SATB1: variants seen among roughly 807,000 people sequenced by gnomAD.
SATB1 encodes SATB homeobox 1, also known as DNA-binding protein SATB1.
A neutral mutation model predicts 86.9 loss-of-function variants in SATB1; 11 were observed. The ratio of observed to expected loss-of-function variants is 0.13; its 90% CI spans 0.08 to 0.21. The LOEUF is 0.21. SATB1 is among the 10% of genes least tolerant of loss of function. The pLI, the probability that SATB1 is intolerant of heterozygous loss-of-function variation, is 1.00. For synonymous variants in SATB1, 357 were observed against 357.2 expected (o/e 1.00, Z 0.01); for missense variants, 551 against 937.6 (o/e 0.59, Z 5.39).
At chr3:18,369,001 A>G (rs1695321639) in intron 9 of SATB1, among the ~76,000 whole-genome samples, 1 of 152,106 alleles carries the variant, frequency 6.6e-6, no homozygotes, top group African/African-American at 2.4e-5. Context: ...GTTATCTCCA[A>G]TTTCTATAAA....
Position 18,389,524 on chromosome 3 carries a change from G to A in SATB1, c.1207-2913C>T, listed in dbSNP as rs556924137. On this transcript the variant is annotated intron_variant, in intron 7 of 10. Coordinates refer to ENST00000338745, the MANE Select transcript of SATB1 (RefSeq NM_002971.6). ...GAATTCAAGATATATGTGGCCACCAGTTCCCATATCCTATAATTGAAGACA... is the reference window on the plus strand; with the variant it reads ...GAATTCAAGATATATGTGGCCACCAATTCCCATATCCTATAATTGAAGACA... Among the ~76,000 whole-genome samples the A allele has an allele frequency of 2.0e-5, 3 of 152,110 alleles. No homozygotes were observed. The South Asian group carries it at 6.2e-4, about 32-fold the overall frequency.
At chr3:18,356,643 TG>T (rs1458998608) in intron 9 of SATB1, among the ~76,000 whole-genome samples, 1 of 151,906 alleles carries the variant, frequency 6.6e-6, no homozygotes, top group Non-Finnish European at 1.5e-5. Flanking sequence ...ATAAAAATCC[TG>T]GCACCTTCAT....
intron 8 of SATB1, among the ~76,000 whole-genome samples, chr3:18,385,211 T>C (rs1696273731): frequency 6.6e-6 from 1 of 152,232 alleles, no homozygotes; most frequent in Admixed American, 6.5e-5. Context: ...CGAGATACAA[T>C]TTCACTATGA....
intron 2 of SATB1, among the ~76,000 whole-genome samples, chr3:18,430,844 G>C (rs1559465274): frequency 6.6e-6 from 1 of 152,184 alleles, no homozygotes; most frequent in South Asian, 2.1e-4. Context: ...GGTAATTCAT[G>C]ATACAGTTTT....
rs561937361 is a variant in SATB1, at chr3:18,373,636, T to G, written c.1575+4534A>C. On this transcript the variant is annotated intron_variant, in intron 9 of 10. Transcript: ENST00000338745. The stretch of plus-strand genomic sequence containing the variant: ...CAAACCTAAAGGTCAGAATGACGTT[T>G]TCTTTCACCTACAAACCTAAGGAAA... Among the ~76,000 whole-genome samples, 3 of 152,316 alleles carry G rather than the reference T, an allele frequency of 2.0e-5. No homozygotes were observed. In the South Asian group the frequency reaches 6.2e-4, roughly 32 times the overall value.
At chr3:18,354,400 C>A (rs1694529031) in intron 9 of SATB1, among the ~76,000 whole-genome samples, 1 of 152,090 alleles carries the variant, frequency 6.6e-6, no homozygotes, top group African/African-American at 2.4e-5. Context: ...ATTGACAGAA[C>A]CCCTCTACCC....
At chr3:18,422,969 A>G (rs1268140351) in intron 1 of SATB1, among the ~76,000 whole-genome samples, 1 of 152,236 alleles carries the variant, frequency 6.6e-6, no homozygotes, top group African/African-American at 2.4e-5. Context: ...ACCTATAAGC[A>G]TCTATTAAAC....
chr3:18,363,938 C>CAAG (rs2125153344), intron 9 of SATB1, among the ~76,000 whole-genome samples: 1 of 152,262 alleles, frequency 6.6e-6, no homozygotes, highest in African/African-American at 2.4e-5. Flanking sequence ...ATGCGAATAT[C>CAAG]AGAGAAAAGG....
At chr3:18,374,515 T>G (rs1261102820) in intron 9 of SATB1, among the ~76,000 whole-genome samples, 1 of 152,214 alleles carries the variant, frequency 6.6e-6, no homozygotes, top group Admixed American at 6.5e-5. Flanking sequence ...CTACTCACAT[T>G]ATGTTTAAAG....
intron 6 of SATB1, among the ~76,000 whole-genome samples, chr3:18,396,375 T>C (rs947520273): frequency 1.8e-4 from 28 of 152,152 alleles, no homozygotes; most frequent in African/African-American, 6.3e-4. Flanking sequence ...TTTTAAAATA[T>C]ATGTTTTGGA....
intron 10 of SATB1, chr3:18,351,340 A>C: frequency 1.3e-6 from 2 of 1,533,746 alleles, no homozygotes; most frequent in Non-Finnish European, 1.7e-6. Flanking sequence ...GCCATGGTGC[A>C]GGGGTCGGCA....
chr3:18,441,778 T>C (rs1299554212), upstream of SATB1, among the ~76,000 whole-genome samples: 1 of 152,188 alleles, frequency 6.6e-6, no homozygotes, highest in Non-Finnish European at 1.5e-5. Flanking sequence ...CAACCTGTCA[T>C]ATGAAAAAGA....
intron 9 of SATB1, among the ~76,000 whole-genome samples, chr3:18,353,947 C>A (rs1158773172): frequency 6.6e-6 from 1 of 152,110 alleles, no homozygotes; most frequent in Admixed American, 6.5e-5. Context: ...AGACAGCAGG[C>A]AGTAAACTGA....
upstream of SATB1, among the ~76,000 whole-genome samples, chr3:18,425,823 A>C (rs1698674888): frequency 1.7e-5 from 1 of 58,020 alleles, no homozygotes; most frequent in South Asian, 6.7e-4. Flanking sequence ...GGGAGGGAGG[A>C]GGGGCAGGAC....
chr3:18,445,018 G>A (rs1001459190), intron 1 of SATB1: 1 of 185,808 alleles, frequency 5.4e-6, no homozygotes, highest in Admixed American at 6.6e-5. Context: ...GAGGCGCACC[G>A]GAGCGGCCGG....
rs572250148 is a variant in SATB1, at chr3:18,414,089, A to G, written c.639+1022T>C. Among the ~76,000 whole-genome samples the G allele has an allele frequency of 6.5e-3, 983 of 152,236 alleles. 4 individuals carry two copies. The highest frequency in any genetic ancestry group is 0.011 in the Non-Finnish European group (734 of 67,976). ...GCAGAAATGTTTACAGCAGCATCCT[A>G]CAGTTCAAGTTCAAATGGCTAAGAC... On this transcript the variant is annotated intron_variant, in intron 5 of 10. Coordinates refer to ENST00000338745, the MANE Select transcript of SATB1 (RefSeq NM_002971.6).
intron 7 of SATB1, among the ~76,000 whole-genome samples, chr3:18,389,795 A>T (rs1261111289): frequency 1.3e-5 from 2 of 152,288 alleles, no homozygotes; most frequent in East Asian, 3.9e-4. Flanking sequence ...GTCTGAAAAG[A>T]ACCTGAGAAC....
chr3:18,423,403 G>T (rs1559459010), intron 1 of SATB1, among the ~76,000 whole-genome samples: 1 of 152,042 alleles, frequency 6.6e-6, no homozygotes, highest in Non-Finnish European at 1.5e-5. Context: ...TTTGCAAAGC[G>T]AGATCCTTTT....
intron 5 of SATB1, among the ~76,000 whole-genome samples, chr3:18,407,571 T>C (rs919390834): frequency 6.6e-6 from 1 of 151,990 alleles, no homozygotes; most frequent in South Asian, 2.1e-4. Context: ...CTCTAAACAA[T>C]GCGAGACATT....
Sources: allele counts gnomAD v4.1 joint callset (sites outside exome capture counted in the v4.1 genomes callset), GRCh38; gene constraint gnomAD v4.1.1; transcripts MANE v1.5; gene names NCBI Gene and HGNC (gene_info 2026-07-23, HGNC 2026-07-21).